SCHIP1: variants seen among roughly 807,000 people sequenced by gnomAD.
SCHIP1 encodes schwannomin interacting protein 1, also known as schwannomin-interacting protein 1.
Under a neutral mutation model 29.7 loss-of-function variants are expected in SCHIP1, and 8 were observed. That is an observed-to-expected ratio of 0.27 (90% confidence interval 0.16 to 0.49). The LOEUF (loss-of-function observed/expected upper bound fraction) is 0.49. Ranked by LOEUF, SCHIP1 falls within the 20% of genes least tolerant of loss-of-function variation. The pLI, the probability that SCHIP1 is intolerant of heterozygous loss-of-function variation, is 0.99. For missense variants in SCHIP1, 193 were observed against 294.6 expected (o/e 0.66, Z 2.52); for synonymous variants, 76 against 94.9 (o/e 0.80, Z 1.16).
At chr3:159,515,244 A>G in the SCHIP1 span, among the ~76,000 whole-genome samples, 1 of 151,864 alleles carries the variant, frequency 6.6e-6, no homozygotes, top group Non-Finnish European at 1.5e-5. Context: ...TCTGCTCACA[A>G]TCCTTTAATA....
chr3:159,330,561 TG>T, the SCHIP1 span, among the ~76,000 whole-genome samples: 2 of 152,334 alleles, frequency 1.3e-5, no homozygotes, highest in South Asian at 4.1e-4. Flanking sequence ...ACTGTCAAAA[TG>T]ACAGATACTG....
At chr3:159,787,398 C>T in the SCHIP1 span, among the ~76,000 whole-genome samples, 11 of 152,186 alleles carry the variant, frequency 7.2e-5, no homozygotes, top group African/African-American at 2.4e-4. Flanking sequence ...TCAAGCTTTT[C>T]GGTTCTTTCT....
chr3:159,330,550 CACTGTCAA>C, the SCHIP1 span, among the ~76,000 whole-genome samples: 2 of 152,214 alleles, frequency 1.3e-5, no homozygotes, highest in South Asian at 4.2e-4. Flanking sequence ...ATTGCGATTC[CACTGTCAA>C]AATGACAGAT....
chr3:159,723,478 C>T, the SCHIP1 span, among the ~76,000 whole-genome samples: 2 of 152,176 alleles, frequency 1.3e-5, no homozygotes, highest in Admixed American at 1.3e-4. Context: ...GTAACAATCT[C>T]ACTGCATGAT....
the SCHIP1 span, among the ~76,000 whole-genome samples, chr3:159,474,195 C>T: frequency 2.6e-5 from 4 of 152,146 alleles, no homozygotes; most frequent in Non-Finnish European, 5.9e-5. Flanking sequence ...AGCTTATAAA[C>T]AACCTCTAAT....
chr3:159,399,000 C>T, the SCHIP1 span: 2 of 960,532 alleles, frequency 2.1e-6, no homozygotes, highest in Admixed American at 6.2e-5. Context: ...GAACTGTTCC[C>T]ACTCTAACCT....
At chr3:159,448,499 G>T in the SCHIP1 span, among the ~76,000 whole-genome samples, 38 of 152,004 alleles carry the variant, frequency 2.5e-4, no homozygotes, top group Non-Finnish European at 4.0e-4. Flanking sequence ...TTGTTCTGTT[G>T]TAAGGGAATT....
At chr3:159,344,911 A>G in the SCHIP1 span, among the ~76,000 whole-genome samples, 3 of 152,194 alleles carry the variant, frequency 2.0e-5, no homozygotes, top group African/African-American at 7.2e-5. Flanking sequence ...TGTCTTCACA[A>G]TTTTCTGTAA....
At chr3:159,380,612 T>C in the SCHIP1 span, among the ~76,000 whole-genome samples, 1 of 152,216 alleles carries the variant, frequency 6.6e-6, no homozygotes, top group African/African-American at 2.4e-5. Context: ...AATACTAGTA[T>C]ATTGCATTTA....
At chr3:159,625,615 C>T in the SCHIP1 span, among the ~76,000 whole-genome samples, 5 of 152,042 alleles carry the variant, frequency 3.3e-5, no homozygotes, top group African/African-American at 4.8e-5. Context: ...TGCAATCAGC[C>T]GTAGTTGGAA....
chr3:159,889,867 T>C (rs1379232533), intron 5 of SCHIP1, among the ~76,000 whole-genome samples: 1 of 151,930 alleles, frequency 6.6e-6, no homozygotes, highest in Admixed American at 6.6e-5. Flanking sequence ...GAGGCCGAGG[T>C]GGGCAGATCA....
At chr3:159,580,332 G>A in the SCHIP1 span, among the ~76,000 whole-genome samples, 1 of 152,164 alleles carries the variant, frequency 6.6e-6, no homozygotes, top group Non-Finnish European at 1.5e-5. Context: ...TAAGTGCCAG[G>A]CATTTCCAGA....
At chr3:159,543,371 C>T in the SCHIP1 span, among the ~76,000 whole-genome samples, 1 of 113,360 alleles carries the variant, frequency 8.8e-6, no homozygotes, top group African/African-American at 3.3e-5. Context: ...CCCCCCTCCC[C>T]CCACCCCACA....
the SCHIP1 span, among the ~76,000 whole-genome samples, chr3:159,307,665 C>G: frequency 5.3e-5 from 8 of 152,160 alleles, no homozygotes; most frequent in Middle Eastern, 3.4e-3. Flanking sequence ...AAGAAGAGTA[C>G]TTCTTAGGTT....
the SCHIP1 span, among the ~76,000 whole-genome samples, chr3:159,604,010 G>A: frequency 7.2e-5 from 11 of 152,160 alleles, no homozygotes; most frequent in African/African-American, 2.7e-4. Context: ...CCTCATAACC[G>A]AATCACCTCC....
the SCHIP1 span, among the ~76,000 whole-genome samples, chr3:159,306,992 T>C: frequency 6.6e-6 from 1 of 151,988 alleles, no homozygotes. Flanking sequence ...ACTAATTCAA[T>C]AGAAGGAAGA....
the SCHIP1 span, among the ~76,000 whole-genome samples, chr3:159,340,070 C>T: frequency 6.6e-6 from 1 of 152,094 alleles, no homozygotes; most frequent in East Asian, 1.9e-4. Flanking sequence ...ACCTAATCAA[C>T]TCTCAGTTGC....
the SCHIP1 span, among the ~76,000 whole-genome samples, chr3:159,318,877 A>C: frequency 7.3e-5 from 11 of 151,630 alleles, no homozygotes; most frequent in Non-Finnish European, 1.5e-5. Context: ...TTGATGACCC[A>C]TAGTCAAACA....
the SCHIP1 span, among the ~76,000 whole-genome samples, chr3:159,303,969 G>A: frequency 1.3e-5 from 2 of 151,406 alleles, no homozygotes; most frequent in African/African-American, 2.4e-5. Flanking sequence ...CCACTAACTC[G>A]TCATCTAGCA....
Sources: allele counts gnomAD v4.1 joint callset (sites outside exome capture counted in the v4.1 genomes callset), GRCh38; gene constraint gnomAD v4.1.1; transcripts MANE v1.5; gene names NCBI Gene and HGNC (gene_info 2026-07-23, HGNC 2026-07-21).